DLG1: variants seen among roughly 807,000 people sequenced by gnomAD.
The protein encoded by DLG1 is disks large homolog 1.
A neutral mutation model predicts 123.4 loss-of-function variants in DLG1; 42 were observed. The ratio of observed to expected loss-of-function variants is 0.34; its 90% CI spans 0.27 to 0.44. The LOEUF (loss-of-function observed/expected upper bound fraction) is 0.44, where lower values mean the gene tolerates loss of function less well. DLG1 is among the 20% of genes least tolerant of loss of function. The pLI, the probability that DLG1 is intolerant of heterozygous loss-of-function variation, is 1.00. For synonymous variants in DLG1, 317 were observed against 356.2 expected (o/e 0.89, Z 1.24); for missense variants, 942 against 1,082.6 (o/e 0.87, Z 1.82).
intron 1 of DLG1, chr3:197,297,769 C>T: frequency 2.0e-6 from 2 of 985,952 alleles, no homozygotes; most frequent in Non-Finnish European, 1.2e-6. Flanking sequence ...ATGCACACCT[C>T]CGCGGGCCCC....
At chr3:197,266,324 A>C (rs918129960) in intron 4 of DLG1, among the ~76,000 whole-genome samples, 6 of 152,192 alleles carry the variant, frequency 3.9e-5, no homozygotes, top group Non-Finnish European at 5.9e-5. Flanking sequence ...TTTAAAAGTT[A>C]CTTTAACTCT....
intron 5 of DLG1, among the ~76,000 whole-genome samples, chr3:197,161,361 GTT>G (rs375410197): frequency 1.2e-4 from 18 of 152,200 alleles, no homozygotes; most frequent in African/African-American, 3.6e-4. Flanking sequence ...TTTAAAAACT[GTT>G]TTAAGCAGAT....
chr3:197,294,142 C>T (rs1012286856), intron 3 of DLG1, among the ~76,000 whole-genome samples: 3 of 151,906 alleles, frequency 2.0e-5, no homozygotes, highest in African/African-American at 4.8e-5. Context: ...GTATTTATTC[C>T]GTAGTATCAA....
At chr3:197,094,586 A>G (rs1335751099) in intron 14 of DLG1, among the ~76,000 whole-genome samples, 1 of 152,144 alleles carries the variant, frequency 6.6e-6, no homozygotes. Flanking sequence ...ACCTTATCAA[A>G]ATTGTCAGAG....
intron 4 of DLG1, among the ~76,000 whole-genome samples, chr3:197,270,851 C>T (rs1406729271): frequency 6.6e-6 from 1 of 152,188 alleles, no homozygotes; most frequent in African/African-American, 2.4e-5. Context: ...AAACGAGTCT[C>T]ATCAACCTTT....
chr3:197,175,256 C>T (rs1248787142), intron 5 of DLG1, among the ~76,000 whole-genome samples: 1 of 152,096 alleles, frequency 6.6e-6, no homozygotes, highest in African/African-American at 2.4e-5. Context: ...ACTATTTTTA[C>T]CTTTATCAAA....
At chr3:197,228,174 T>C (rs1487455964) in intron 4 of DLG1, among the ~76,000 whole-genome samples, 2 of 152,266 alleles carry the variant, frequency 1.3e-5, no homozygotes, top group African/African-American at 2.4e-5. Flanking sequence ...TACTACCAAG[T>C]AAACTCATTT....
At chr3:197,087,823 G>A (rs573321817) in intron 15 of DLG1, among the ~76,000 whole-genome samples, 1 of 152,268 alleles carries the variant, frequency 6.6e-6, no homozygotes, top group East Asian at 1.9e-4. Context: ...ACTAAAAACA[G>A]AAGGTAGAAA....
chr3:197,130,984 A>C (rs1025833860), intron 10 of DLG1, among the ~76,000 whole-genome samples: 4 of 152,212 alleles, frequency 2.6e-5, no homozygotes, highest in African/African-American at 9.6e-5. Context: ...TTTATCTTTA[A>C]AGAAATGAAA....
At chr3:197,051,326 G>A (rs1446892072) in intron 24 of DLG1, among the ~76,000 whole-genome samples, 1 of 149,530 alleles carries the variant, frequency 6.7e-6, no homozygotes, top group Non-Finnish European at 1.5e-5. Flanking sequence ...GGGAGGCTGA[G>A]GCAGGAGAAT....
intron 5 of DLG1, among the ~76,000 whole-genome samples, chr3:197,158,689 C>CATACCTCT (rs11282095): frequency 0.73 from 104,898 of 142,976 alleles, 38,698 homozygotes; most frequent in East Asian, 0.81. Flanking sequence ...CTGCTCTGGA[C>CATACCTCT]ATACCTCTAA....
At chr3:197,061,811 G>A (rs535611720) in intron 22 of DLG1, among the ~76,000 whole-genome samples, 3 of 152,052 alleles carry the variant, frequency 2.0e-5, no homozygotes, top group Middle Eastern at 6.8e-3. Flanking sequence ...TCCTAATTTT[G>A]ATCACTTGTT....
intron 4 of DLG1, among the ~76,000 whole-genome samples, chr3:197,218,860 G>T (rs1394131592): frequency 1.3e-5 from 2 of 152,168 alleles, no homozygotes; most frequent in African/African-American, 4.8e-5. Context: ...GGCCGGGTGC[G>T]ATGGCTCACG....
intron 13 of DLG1, among the ~76,000 whole-genome samples, chr3:197,105,699 G>A (rs948751989): frequency 6.6e-6 from 1 of 152,042 alleles, no homozygotes; most frequent in African/African-American, 2.4e-5. Context: ...AATACTTTGC[G>A]CGCATATATA....
At chr3:197,236,857 T>C (rs892161172) in intron 4 of DLG1, among the ~76,000 whole-genome samples, 1 of 152,208 alleles carries the variant, frequency 6.6e-6, no homozygotes, top group Admixed American at 6.5e-5. Flanking sequence ...TCTTTCAAAA[T>C]AAATATATTA....
At chr3:197,105,093 T>TAA in intron 13 of DLG1, 88 bp from the exon 14 acceptor site, 2 of 808,244 alleles carry the variant, frequency 2.5e-6, no homozygotes, top group Non-Finnish European at 1.9e-6. Flanking sequence ...AAGCATGTAT[T>TAA]AAAAAATTAG....
chr3:197,053,836 G>T (rs6583192), intron 23 of DLG1, among the ~76,000 whole-genome samples: 113,139 of 150,408 alleles, frequency 0.75, 42,663 homozygotes, highest in East Asian at 0.8. Context: ...TTTACACCTG[G>T]AATCCCAGCA....
At chr3:197,062,749 C>T (rs1736705633) in intron 22 of DLG1, among the ~76,000 whole-genome samples, 1 of 152,072 alleles carries the variant, frequency 6.6e-6, no homozygotes, top group Admixed American at 6.6e-5. Context: ...ATTCTCATGG[C>T]TTATTCAGTG....
intron 4 of DLG1, among the ~76,000 whole-genome samples, chr3:197,257,109 T>G (rs1043569257): frequency 2.6e-5 from 4 of 152,128 alleles, no homozygotes; most frequent in African/African-American, 4.8e-5. Context: ...CTAAAAAATC[T>G]GAAATACCTG....
Sources: gnomAD v4.1 joint callset for allele counts (sites outside exome capture counted in the v4.1 genomes callset) on GRCh38, gnomAD v4.1.1 for gene constraint, MANE v1.5 for transcripts, NCBI Gene and HGNC (gene_info 2026-07-23, HGNC 2026-07-21) for gene names.